Variants in KIAA2012 observed in about 807,000 individuals in gnomAD.
KIAA2012 encodes KIAA2012.
Under a neutral mutation model 150.6 loss-of-function variants are expected in KIAA2012, and 125 were observed. The observed-to-expected ratio is 0.83, with a 90% CI of 0.72 to 0.96. KIAA2012 has a LOEUF of 0.96. KIAA2012 is among the 40% of genes least tolerant of loss of function. The pLI, the probability that KIAA2012 is intolerant of heterozygous loss-of-function variation, is 0.00. For synonymous variants in KIAA2012, 462 were observed against 504.7 expected, an observed-to-expected ratio of 0.92 and a Z score of 1.13; for missense variants, 1,219 against 1,354.9, an observed-to-expected ratio of 0.90 and a Z score of 1.57.
chr2:202,179,399 G>C, intron 15 of KIAA2012: 1 of 770,220 alleles, frequency 1.3e-6, no homozygotes, highest in Non-Finnish European at 2.3e-6. Context: ...AGCCCTGTCA[G>C]TGGGAATTAA....
chr2:202,090,656 T>C (rs1689694659), intron 2 of KIAA2012, 114 bp from the exon 3 acceptor site: 1 of 1,255,882 alleles, frequency 8.0e-7, no homozygotes, highest in African/African-American at 1.5e-5. Flanking sequence ...TGGTGCCTTC[T>C]GGCACCTTCT....
rs1690295625 is a variant in KIAA2012, at chr2:202,109,705, G to C, written c.1567G>C (p.Asp523His). 1 of 1,550,462 alleles carries C rather than the reference G, an allele frequency of 6.4e-7. No homozygotes were observed. Among genetic ancestry groups the C allele is most frequent in the Non-Finnish European group, 8.7e-7 (1 of 1,146,926 alleles). ...KKSPESQKGV[D>H]SPRTSDHNSP... The stretch of plus-strand genomic sequence containing the variant: ...AAGTCCTGAGAGCCAGAAGGGCGTG[G>C]ACAGCCCTAGGACATCAGACCACAA... Residue 523 changes from aspartate to histidine, a missense_variant, in exon 10 of 24, where the codon GAC becomes CAC. Physicochemically the swap from Asp to His is moderately conservative, Grantham distance 81. Transcript: ENST00000498697.
intron 11 of KIAA2012, among the ~76,000 whole-genome samples, chr2:202,122,180 T>TTTAG (rs1237301677): frequency 6.6e-6 from 1 of 152,174 alleles, no homozygotes; most frequent in Non-Finnish European, 1.5e-5. Flanking sequence ...AATGCTGCTG[T>TTTAG]TTAGGCAACA....
chr2:202,086,183 A>AAAG (rs1553550441), intron 2 of KIAA2012, among the ~76,000 whole-genome samples: 15 of 150,434 alleles, frequency 1.0e-4, no homozygotes, highest in African/African-American at 2.7e-4. Context: ...AAAAAAAAAA[A>AAAG]AAAGAAAGAA....
chr2:202,124,386 C>CA (rs35969312), intron 11 of KIAA2012, among the ~76,000 whole-genome samples: 4,125 of 148,840 alleles, frequency 0.028, 160 homozygotes, highest in African/African-American at 0.088. Flanking sequence ...TAGCAGATCA[C>CA]AAAAAAAAAA....
At chr2:202,133,130 A>ATATATATATATATTTTTTTTTTTTT (rs1279080237) in intron 12 of KIAA2012, among the ~76,000 whole-genome samples, 16 of 67,762 alleles carry the variant, frequency 2.4e-4, no homozygotes, top group South Asian at 5.4e-4. Context: ...ATATATATAT[A>ATATATATATATATTTTTTTTTTTTT]TTTTTTTTTT....
intron 15 of KIAA2012, among the ~76,000 whole-genome samples, chr2:202,171,150 C>T (rs972462726): frequency 6.6e-6 from 1 of 151,036 alleles, no homozygotes; most frequent in African/African-American, 2.4e-5. Flanking sequence ...CAGACATATA[C>T]ACACACACAT....
Position 202,132,747 on chromosome 2 carries a change from A to ATATATAGTATATAT in KIAA2012, c.1832-5685_1832-5684insTATATAGTATATAT, listed in dbSNP as rs373235755. The stretch of plus-strand genomic sequence containing the variant: ...ATATATAGTATATATGTATATATAT[A>ATATATAGTATATAT]GTATATATGTATATATATACATATA... On this transcript the variant is annotated intron_variant, in intron 12 of 23. Transcript: ENST00000498697. Among the ~76,000 whole-genome samples, 359 of 104,358 alleles carry ATATATAGTATATAT rather than the reference A, an allele frequency of 3.4e-3. 2 individuals are homozygous for ATATATAGTATATAT. Among genetic ancestry groups the ATATATAGTATATAT allele is most frequent in the African/African-American group, 0.013 (342 of 26,436 alleles). The allele number at this position is 104,358 out of a possible 152,430, so 68.5% of individuals were successfully genotyped here.
chr2:202,080,109 C>A (rs538724886), intron 2 of KIAA2012, among the ~76,000 whole-genome samples: 1 of 152,224 alleles, frequency 6.6e-6, no homozygotes, highest in African/African-American at 2.4e-5. Context: ...CAAAGCCCCA[C>A]GTTTAACCCC....
At chr2:202,147,265 C>T (rs1691320612) in intron 13 of KIAA2012, among the ~76,000 whole-genome samples, 1 of 152,174 alleles carries the variant, frequency 6.6e-6, no homozygotes, top group South Asian at 2.1e-4. Flanking sequence ...AAAATTCTAA[C>T]CATTAGAGAT....
chr2:202,138,364 T>G, intron 12 of KIAA2012, 68 bp from the exon 13 acceptor site: 1 of 919,808 alleles, frequency 1.1e-6, no homozygotes, highest in Non-Finnish European at 1.7e-6. Context: ...GTGTATGGTA[T>G]ATATAAAAAG....
chr2:202,113,824 A>T (rs996275850), intron 11 of KIAA2012: 4 of 179,006 alleles, frequency 2.2e-5, no homozygotes, highest in Admixed American at 5.8e-5. Flanking sequence ...TGGTAATCCA[A>T]TCAGGTATCC....
rs371507230 is a variant in KIAA2012, at chr2:202,096,033, A to G, written c.686-1402A>G. On this transcript the variant is annotated intron_variant, in intron 4 of 23. Transcript: ENST00000498697. ...TGGGAGGTGGAGGTTGCAGTGAGCC[A>G]AGATCATGCCACTGCACTCCAGCCT... 1.0e-3 allele frequency among the ~76,000 whole-genome samples: 153 copies of G among 152,162 alleles called. 2 individuals carry two copies. The highest frequency in any genetic ancestry group is 6.0e-3 in the South Asian group (29 of 4,824).
chr2:202,121,646 C>T (rs16838864), intron 11 of KIAA2012, among the ~76,000 whole-genome samples: 11,089 of 152,238 alleles, frequency 0.073, 705 homozygotes, highest in East Asian at 0.32. Context: ...GGTAAGGAGA[C>T]TGAAACACAG....
chr2:202,125,267 C>T lies in KIAA2012; in HGVS notation c.1816C>T (p.Gln606Ter), dbSNP rs1690755547. 6.5e-7 allele frequency: 1 copy of T among 1,550,040 alleles called. No homozygotes were observed. The highest frequency in any genetic ancestry group is 1.4e-5 in the African/African-American group (1 of 73,144). ...ISHEEEGPSS[Q>*]HFLKANTEPR... ...CCATGAAGAGGAAGGGCCTAGTAGT[C>T]AGCATTTCCTAAAAGGTAAGCTTTT... is the stretch of plus-strand genomic sequence containing the variant. The change falls in exon 12 of 24, where the codon CAG (glutamine) becomes TAG (stop). Residue 606 changes from glutamine to a stop codon, truncating the protein, a stop_gained. Coordinates refer to ENST00000498697, the MANE Select transcript of KIAA2012 (RefSeq NM_001277372.4). LOFTEE classifies it high-confidence loss of function.
chr2:202,141,333 G>C (rs1475051648), intron 13 of KIAA2012, among the ~76,000 whole-genome samples: 6 of 152,120 alleles, frequency 3.9e-5, no homozygotes, highest in Non-Finnish European at 8.8e-5. Flanking sequence ...AACGAGAGTA[G>C]CAACTGATAT....
chr2:202,193,174 G>A, intron 19 of KIAA2012, 127 bp from the exon 20 acceptor site: 1 of 947,298 alleles, frequency 1.1e-6, no homozygotes, highest in Non-Finnish European at 1.6e-6. Flanking sequence ...TGCAGCTGTG[G>A]GCAAAGTGTG....
intron 7 of KIAA2012, among the ~76,000 whole-genome samples, chr2:202,102,599 A>C (rs745977938): frequency 7.9e-5 from 12 of 152,212 alleles, no homozygotes; most frequent in Non-Finnish European, 1.3e-4. Flanking sequence ...GCATATGCTG[A>C]GATTTCTCCC....
chr2:202,177,722 G>A (rs755946442), intron 15 of KIAA2012, among the ~76,000 whole-genome samples: 2 of 152,178 alleles, frequency 1.3e-5, no homozygotes, highest in Admixed American at 6.5e-5. Flanking sequence ...ATCCATTCAT[G>A]AGGATGGAGC....
Sources: allele counts gnomAD v4.1 joint callset (sites outside exome capture counted in the v4.1 genomes callset), GRCh38; gene constraint gnomAD v4.1.1; transcripts MANE v1.5; gene names NCBI Gene and HGNC (gene_info 2026-07-23, HGNC 2026-07-21).